GREB1: variants seen among roughly 807,000 people sequenced by gnomAD.
The protein encoded by GREB1 is growth regulating estrogen receptor binding 1.
In GREB1, 106 loss-of-function variants were observed where a neutral mutation model predicts 200.7. That is an observed-to-expected ratio of 0.53 (90% CI 0.45 to 0.62). The LOEUF (loss-of-function observed/expected upper bound fraction) is 0.62. GREB1 is among the 20% of genes least tolerant of loss of function. The probability of loss-of-function intolerance (pLI) is 0.00; values close to 1 mark genes in which losing one functional copy is unlikely to be tolerated. For missense variants in GREB1, 2,243 were observed against 2,556.8 expected (o/e 0.88, Z 2.65); for synonymous variants, 1,132 against 1,092.4 (o/e 1.04, Z -0.72).
intron 18 of GREB1, chr2:11,612,193 CAAAAA>C: frequency 3.4e-5 from 8 of 238,300 alleles, no homozygotes; most frequent in Admixed American, 7.5e-5. Flanking sequence ...GACTCTGTCT[CAAAAA>C]AAAAAAAAAA....
At position 11,618,283 on chromosome 2, in the gene GREB1, C is replaced by G. The variant is rs747102457; in HGVS notation, c.3413-5C>G. The G allele has an allele frequency of 1.3e-6, 2 of 1,501,576 alleles. No individual in the cohort carries two copies. Among genetic ancestry groups the G allele is most frequent in the Non-Finnish European group, 1.8e-6 (2 of 1,116,078 alleles). The allele number at this position is 1,501,576 out of a possible 1,614,324, so 93.0% of individuals were successfully genotyped here. ...ACGTCCCTGACCATGTTCGTCTCTC[C>G]TCAGGTTCAGCGCTCGGTGGCGAGT... is the stretch of plus-strand genomic sequence containing the variant. On this transcript the variant is annotated splice_region_variant and splice_polypyrimidine_tract_variant and intron_variant, in intron 21 of 32. Transcript: ENST00000381486.
chr2:11,634,946 C>A (rs529617367), intron 29 of GREB1, among the ~76,000 whole-genome samples: 105 of 152,314 alleles, frequency 6.9e-4, no homozygotes, highest in African/African-American at 2.4e-3. Context: ...TTCTTTTTCA[C>A]CGATGCGTGA....
At chr2:11,617,793 G>A (rs751635618) in intron 21 of GREB1, among the ~76,000 whole-genome samples, 12 of 152,258 alleles carry the variant, frequency 7.9e-5, no homozygotes, top group Admixed American at 1.3e-4. Context: ...GGTCTGGGAC[G>A]GGGAAAGGTC....
chr2:11,637,229 G>C (rs528733261), intron 30 of GREB1, among the ~76,000 whole-genome samples: 40 of 152,292 alleles, frequency 2.6e-4, no homozygotes, highest in African/African-American at 8.7e-4. Context: ...GAAAGTTCCA[G>C]ACTTTTCTCT....
intron 31 of GREB1, among the ~76,000 whole-genome samples, chr2:11,638,339 CTA>C (rs1373340100): frequency 6.6e-6 from 1 of 152,164 alleles, no homozygotes; most frequent in Non-Finnish European, 1.5e-5. Context: ...CAGGGTTTCA[CTA>C]TGTTGTCCAG....
At chr2:11,483,118 T>C (rs1248448677) in intron 1 of GREB1, among the ~76,000 whole-genome samples, 31 of 151,838 alleles carry the variant, frequency 2.0e-4, no homozygotes, top group Admixed American at 2.0e-3. Context: ...GTGGAAGGTG[T>C]CCGGGATCGG....
intron 1 of GREB1, among the ~76,000 whole-genome samples, chr2:11,499,339 CA>C (rs749930635): frequency 2.6e-4 from 39 of 152,232 alleles, no homozygotes; most frequent in Non-Finnish European, 5.1e-4. Context: ...CGGCTGCAGC[CA>C]GTGCTACGAG....
upstream of GREB1, among the ~76,000 whole-genome samples, chr2:11,529,632 T>C (rs956596587): frequency 6.6e-6 from 1 of 152,204 alleles, no homozygotes; most frequent in African/African-American, 2.4e-5. Context: ...GTAATGTTGA[T>C]TGATACAAGT....
intron 17 of GREB1, among the ~76,000 whole-genome samples, chr2:11,604,444 C>T (rs897224797): frequency 2.6e-5 from 4 of 152,168 alleles, no homozygotes; most frequent in African/African-American, 9.7e-5. Context: ...CTGTTGGCTG[C>T]TAGCACCACC....
chr2:11,613,316 G>A lies in GREB1; in HGVS notation c.3122+706G>A, dbSNP rs149127038. Among the ~76,000 whole-genome samples, 950 of 152,288 alleles carry A rather than the reference G, an allele frequency of 6.2e-3. 12 individuals carry two copies. The highest frequency in any genetic ancestry group is 0.021 in the African/African-American group (889 of 41,552). ...GATTGGGTTTTAGAGACTTCATACC[G>A]GTGGAGAAGAGCAGACGGCCAGCAA... On this transcript the variant is annotated intron_variant, in intron 19 of 32. Coordinates refer to ENST00000381486, the MANE Select transcript of GREB1 (RefSeq NM_014668.4).
rs115648244 is a variant in GREB1 at position 11,506,158 on chromosome 2, G to A, written c.-159+23777G>A. On this transcript the variant is annotated intron_variant, in intron 1 of 2. Transcript: ENST00000628795. The stretch of plus-strand genomic sequence containing the variant: ...CAGTGCACATGGTCCCCGTGCTCAC[G>A]GGCCTAACATTCTCTGTGGTCTGGG... Among the ~76,000 whole-genome samples the A allele has an allele frequency of 2.0e-3, 302 of 152,276 alleles. 1 individual carries two copies. The highest frequency in any genetic ancestry group is 6.9e-3 in the African/African-American group (285 of 41,556).
Position 11,600,810 on chromosome 2 carries a change from C to G in GREB1, c.2344C>G (p.His782Asp). Residue 782 changes from histidine (H) to aspartate (D), a missense_variant, in exon 16 of 33, where the codon CAT (histidine) becomes GAT (aspartate). Around this residue, in one of 3 missense-constraint regions of GREB1, gnomAD observed 1,178 missense variants for 1,387.4 expected, o/e 0.85. Coordinates refer to ENST00000381486, the MANE Select transcript of GREB1 (RefSeq NM_014668.4). ...AHWDLVSSTV[H>D]NLYSQSDPSV... is the part of the protein sequence containing the mutation. The stretch of plus-strand genomic sequence containing the variant: ...CTTCTCCTCCCTCAGTAGCACTGTT[C>G]ATAACCTCTATTCTCAAAGTGACCC... 1.2e-6 allele frequency: 2 copies of G among 1,613,658 alleles called. No homozygotes were observed. Among genetic ancestry groups the G allele is most frequent in the Non-Finnish European group, 8.5e-7 (1 of 1,179,508 alleles).
At chr2:11,544,848 T>A (rs1289482733) in intron 1 of GREB1, among the ~76,000 whole-genome samples, 1 of 151,904 alleles carries the variant, frequency 6.6e-6, no homozygotes, top group East Asian at 1.9e-4. Context: ...AAAGTCTCAC[T>A]CTGTCACCCA....
Position 11,485,448 on chromosome 2 carries a change from A to G in GREB1, c.-159+3067A>G, listed in dbSNP as rs1365424804. On this transcript the variant is annotated intron_variant, in intron 1 of 2. Coordinates refer to the GREB1 transcript ENST00000628795. ...ACCTCCATGCCCAGCTAATTTTTGT[A>G]TTTTTAGTAGAGATAAGGTTTCACC... is the stretch of plus-strand genomic sequence containing the variant. 2.0e-5 allele frequency among the ~76,000 whole-genome samples: 3 copies of G among 151,626 alleles called. No individual in the cohort carries two copies. The East Asian group carries it at 5.9e-4, about 30-fold the overall frequency.
At chr2:11,590,459 C>T (rs1373748932) in intron 10 of GREB1, among the ~76,000 whole-genome samples, 2 of 152,172 alleles carry the variant, frequency 1.3e-5, no homozygotes, top group African/African-American at 4.8e-5. Flanking sequence ...CAATCTTGGT[C>T]CCACCTGGGC....
intron 1 of GREB1, among the ~76,000 whole-genome samples, chr2:11,505,665 T>C (rs926843149): frequency 1.3e-5 from 2 of 152,182 alleles, no homozygotes; most frequent in East Asian, 3.9e-4. Context: ...AACATAGGGA[T>C]ACCTGGTCTT....
intron 14 of GREB1, 63 bp downstream of exon 14, chr2:11,598,041 T>C: frequency 8.3e-7 from 1 of 1,202,618 alleles, no homozygotes; most frequent in Non-Finnish European, 1.2e-6. Flanking sequence ...AATCCATGTG[T>C]GGGTGTTGAC....
chr2:11,567,929 A>G (rs1264313901), intron 4 of GREB1, among the ~76,000 whole-genome samples: 1 of 152,078 alleles, frequency 6.6e-6, no homozygotes, highest in Non-Finnish European at 1.5e-5. Flanking sequence ...TGACTTCCAC[A>G]TGTGCCCTGG....
At chr2:11,571,013 C>G (rs1678216227) in intron 4 of GREB1, among the ~76,000 whole-genome samples, 1 of 151,864 alleles carries the variant, frequency 6.6e-6, no homozygotes, top group African/African-American at 2.4e-5. Context: ...TGGGGTTTGG[C>G]CAAAATACCA....
Sources: allele counts gnomAD v4.1 joint callset (sites outside exome capture counted in the v4.1 genomes callset), GRCh38; gene constraint gnomAD v4.1.1; regional missense constraint gnomAD v4.1.1; transcripts MANE v1.5; gene names NCBI Gene and HGNC (gene_info 2026-07-23, HGNC 2026-07-21).